ZRANB1: variants seen among roughly 807,000 people sequenced by gnomAD.
ZRANB1 encodes the protein zinc finger RANBP2-type containing 1.
In ZRANB1, 16 loss-of-function variants were observed where a neutral mutation model predicts 80.5. The ratio of observed to expected loss-of-function variants is 0.20; its 90% CI spans 0.13 to 0.30. The LOEUF (loss-of-function observed/expected upper bound fraction) is 0.30. ZRANB1 is among the 10% of genes least tolerant of loss of function. The pLI, the probability that ZRANB1 is intolerant of heterozygous loss-of-function variation, is 1.00. For synonymous variants in ZRANB1, 291 were observed against 293.1 expected (o/e 0.99, Z 0.07); for missense variants, 576 against 862.6 (o/e 0.67, Z 4.16).
chr10:124,985,086 G>C lies in ZRANB1; in HGVS notation c.*94G>C. On this transcript the variant is annotated 3_prime_UTR_variant, in exon 9 of 9. Transcript: ENST00000359653. Reference sequence around the variant, plus strand: ...CCAAGCAGAGTCGACATCATGGAATGAACCAAATCTGGCAGGATCTGCTCG... The same window carrying C: ...CCAAGCAGAGTCGACATCATGGAATCAACCAAATCTGGCAGGATCTGCTCG... 1.0e-6 allele frequency: 1 copy of C among 1,004,286 alleles called. No homozygotes were observed. The allele number at this position is 1,004,286 out of a possible 1,614,324, so 62.2% of individuals were successfully genotyped here.
rs751997004 is a variant in ZRANB1, at chr10:124,985,377, C to T, written c.*385C>T. 1 of 165,484 alleles carries T rather than the reference C, an allele frequency of 6.0e-6. No individual in the cohort carries two copies. 10.3% of individuals were successfully genotyped at this position (165,484 alleles called of 1,614,324 possible). Reference sequence around the variant, plus strand: ...ATGGGCACTTAGAAAAAGCACATGGCAAATGGCTCTTTGTTCCTTTCAGAT... The same window carrying T: ...ATGGGCACTTAGAAAAAGCACATGGTAAATGGCTCTTTGTTCCTTTCAGAT... On this transcript the variant is annotated 3_prime_UTR_variant, in exon 9 of 9. Coordinates refer to ENST00000359653, the MANE Select transcript of ZRANB1 (RefSeq NM_017580.3).
intron 1 of ZRANB1, among the ~76,000 whole-genome samples, chr10:124,958,342 A>G (rs1049734119): frequency 6.6e-6 from 1 of 152,160 alleles, no homozygotes; most frequent in Admixed American, 6.5e-5. Flanking sequence ...GCTTGAGGCA[A>G]GAGTTTGATG....
At chr10:124,948,848 GT>G (rs1951606683) in intron 1 of ZRANB1, among the ~76,000 whole-genome samples, 1 of 152,196 alleles carries the variant, frequency 6.6e-6, no homozygotes, top group Admixed American at 6.5e-5. Context: ...AGGCACTCAG[GT>G]ATTTTTATAT....
chr10:124,917,571 T>C, the ZRANB1 span, among the ~76,000 whole-genome samples: 1 of 152,176 alleles, frequency 6.6e-6, no homozygotes, highest in Admixed American at 6.5e-5. Context: ...TTCCGCCAGA[T>C]TTCCCCACAA....
intron 1 of ZRANB1, among the ~76,000 whole-genome samples, chr10:124,963,929 A>G (rs1951757580): frequency 1.3e-5 from 2 of 152,234 alleles, no homozygotes; most frequent in Admixed American, 1.3e-4. Flanking sequence ...TTTTTTACCT[A>G]TATTTAAGTG....
intron 1 of ZRANB1, among the ~76,000 whole-genome samples, chr10:124,947,026 T>C (rs1027656889): frequency 6.6e-6 from 1 of 152,248 alleles, no homozygotes; most frequent in Non-Finnish European, 1.5e-5. Context: ...TTGTAGCTGA[T>C]AAACTAGGAA....
intron 1 of ZRANB1, among the ~76,000 whole-genome samples, chr10:124,948,916 C>T (rs112355702): frequency 1.6e-4 from 24 of 152,270 alleles, no homozygotes; most frequent in African/African-American, 5.8e-4. Context: ...TTATCCTACT[C>T]CTCCTATGAA....
upstream of ZRANB1, among the ~76,000 whole-genome samples, chr10:124,939,049 C>T (rs1232885227): frequency 2.6e-5 from 4 of 151,946 alleles, no homozygotes; most frequent in South Asian, 2.1e-4. Context: ...TGGTGGGATG[C>T]GCCTGTGGTC....
At chr10:124,981,909 T>C (rs1008109274) in intron 6 of ZRANB1, 80 bp downstream of exon 6, 43 of 1,549,482 alleles carry the variant, frequency 2.8e-5, no homozygotes, top group East Asian at 4.6e-5. Flanking sequence ...GCAAACCATG[T>C]TGGGGGCAAT....
chr10:124,981,822 C>G lies in ZRANB1; in HGVS notation c.1541C>G (p.Ala514Gly), dbSNP rs1951936729. 4 of 1,613,280 alleles carry G rather than the reference C, an allele frequency of 2.5e-6. No homozygotes were observed. Among genetic ancestry groups the G allele is most frequent in the Non-Finnish European group, 3.4e-6 (4 of 1,179,742 alleles). The change falls in exon 6 of 9, where the codon GCT (alanine) becomes GGT (glycine). Residue 514 changes from alanine to glycine, a missense_variant. Coordinates refer to ENST00000359653, the MANE Select transcript of ZRANB1 (RefSeq NM_017580.3). ...GACTGGGCATTTATACTCTCTCTTG[C>G]TAGTCAGGTGAGGATGCTTCAAGTC... ...QEDWAFILSL[A>G]SQPGASLEQT... is the part of the protein sequence containing the mutation.
At chr10:124,974,541 T>G (rs1319983844) in intron 5 of ZRANB1, 143 bp downstream of exon 5, 1 of 800,372 alleles carries the variant, frequency 1.2e-6, no homozygotes. Context: ...TAAAATACTT[T>G]GAACACGTCC....
At chr10:124,962,835 T>C (rs1251684664) in intron 1 of ZRANB1, among the ~76,000 whole-genome samples, 1 of 152,226 alleles carries the variant, frequency 6.6e-6, no homozygotes, top group Non-Finnish European at 1.5e-5. Flanking sequence ...TTTGAATGTA[T>C]GGTGATACTA....
At position 124,966,665 on chromosome 10, in the gene ZRANB1, A is replaced by T; in HGVS notation, c.886A>T (p.Thr296Ser). 6.2e-7 allele frequency: 1 copy of T among 1,614,186 alleles called. No individual in the cohort carries two copies. The highest frequency in any genetic ancestry group is 8.5e-7 in the Non-Finnish European group (1 of 1,180,018). ...SSGGDIARQL[T>S]ADEVRLLNRP... is the part of the protein sequence containing the mutation. ...AGGAGGAGACATTGCACGTCAGCTCACCGCAGATGAAGTACGCTTGCTGAA... is the reference window on the plus strand; with the variant it reads ...AGGAGGAGACATTGCACGTCAGCTCTCCGCAGATGAAGTACGCTTGCTGAA... The change falls in exon 2 of 9, where the codon ACC (threonine) becomes TCC (serine). Residue 296 changes from threonine to serine, a missense_variant. Thr to Ser is a moderately conservative substitution (Grantham distance 58, BLOSUM62 1). Transcript: ENST00000359653.
intron 5 of ZRANB1, among the ~76,000 whole-genome samples, chr10:124,975,445 A>G (rs1178188733): frequency 6.6e-6 from 1 of 152,208 alleles, no homozygotes. Context: ...TAAGTAATTC[A>G]ACATTGATTC....
the ZRANB1 span, chr10:124,917,347 G>T: frequency 2.7e-5 from 4 of 150,726 alleles, no homozygotes; most frequent in African/African-American, 7.3e-5. Flanking sequence ...AGGTTGCCGG[G>T]CCTCACGGGC....
At chr10:124,959,308 A>G (rs975378653) in intron 1 of ZRANB1, among the ~76,000 whole-genome samples, 6 of 152,278 alleles carry the variant, frequency 3.9e-5, no homozygotes, top group Non-Finnish European at 5.9e-5. Flanking sequence ...AGGCATGTCA[A>G]ATAACCCGAG....
chr10:124,940,945 G>A (rs1279898269), upstream of ZRANB1, among the ~76,000 whole-genome samples: 4 of 151,932 alleles, frequency 2.6e-5, no homozygotes, highest in Admixed American at 1.3e-4. Flanking sequence ...CCACTCCACT[G>A]CATTCCAGCC....
chr10:124,929,855 A>T, the ZRANB1 span, among the ~76,000 whole-genome samples: 2 of 150,868 alleles, frequency 1.3e-5, no homozygotes, highest in Admixed American at 6.6e-5. Context: ...CTGAGGCAGG[A>T]GAATCACTTG....
intron 5 of ZRANB1, among the ~76,000 whole-genome samples, chr10:124,975,184 A>AT (rs974484638): frequency 6.6e-6 from 1 of 152,070 alleles, no homozygotes; most frequent in Non-Finnish European, 1.5e-5. Context: ...TTAAGATCAC[A>AT]TTTTTTATTT....
Sources: gnomAD v4.1 joint callset for allele counts (sites outside exome capture counted in the v4.1 genomes callset) on GRCh38, gnomAD v4.1.1 for gene constraint, MANE v1.5 for transcripts, NCBI Gene and HGNC (gene_info 2026-07-23, HGNC 2026-07-21) for gene names.